Variants in PKHD1L1 observed in about 807,000 individuals in gnomAD.
The protein encoded by PKHD1L1 is PKHD1 like 1, also known as fibrocystin-L.
PKHD1L1 carries 434 observed loss-of-function variants against 462.9 expected under a neutral mutation model. The ratio of observed to expected loss-of-function variants is 0.94; its 90% CI spans 0.87 to 1.02. The LOEUF (loss-of-function observed/expected upper bound fraction) is 1.02. PKHD1L1 is among the 50% of genes least tolerant of loss of function. The pLI is 0.00. For synonymous variants in PKHD1L1, 1,781 were observed against 1,750.0 expected, an observed-to-expected ratio of 1.02 and a Z score of -0.44; for missense variants, 5,202 against 5,096.1, an observed-to-expected ratio of 1.02 and a Z score of -0.63.
At chr8:109,461,966 T>A (rs1339711636) in intron 48 of PKHD1L1, 58 bp downstream of exon 48, 6 of 1,533,894 alleles carry the variant, frequency 3.9e-6, no homozygotes, top group Non-Finnish European at 5.3e-6. Flanking sequence ...ATACAAGAAA[T>A]GTGTGTTGAA....
At chr8:109,463,134 A>G (rs1277624392) in intron 48 of PKHD1L1, among the ~76,000 whole-genome samples, 1 of 152,176 alleles carries the variant, frequency 6.6e-6, no homozygotes, top group African/African-American at 2.4e-5. Flanking sequence ...CATGGCATAT[A>G]GTAGATTCTC....
chr8:109,488,599 T>C (rs1818671847), intron 59 of PKHD1L1, among the ~76,000 whole-genome samples: 1 of 152,080 alleles, frequency 6.6e-6, no homozygotes, highest in Non-Finnish European at 1.5e-5. Flanking sequence ...GAACTGTTTC[T>C]GCAGGTACTC....
Position 109,491,930 on chromosome 8 carries a change from T to A in PKHD1L1, c.10172T>A (p.Val3391Asp). 2 of 1,605,452 alleles carry A rather than the reference T, an allele frequency of 1.2e-6. No homozygotes were observed. The highest frequency in any genetic ancestry group is 2.2e-5 in the South Asian group (2 of 90,132). ...CGAGGGAATTTGATTGCACTTTCGG[T>A]TTGGCCAGGAACCTATCAGAACAGA... is the stretch of plus-strand genomic sequence containing the variant. ...RVRGNLIALSVWPGTYQNRKD... is the reference protein window; with the variant it reads ...RVRGNLIALSDWPGTYQNRKD... The change falls in exon 62 of 78, where the codon GTT becomes GAT. Residue 3391 changes from valine (V) to aspartate (D), a missense_variant. Physicochemically the swap from Val to Asp is radical, Grantham distance 152. This residue lies in a region of PKHD1L1 where 4,497 missense variants were observed against 4,336.8 expected (regional missense o/e 1.04). Transcript: ENST00000378402.
At chr8:109,456,415 G>C (rs373600039) in intron 46 of PKHD1L1, 24 bp downstream of exon 46, 5 of 1,572,870 alleles carry the variant, frequency 3.2e-6, no homozygotes, top group Non-Finnish European at 4.3e-6. Context: ...TGGGCTTAAT[G>C]ATGTGTATTT....
intron 48 of PKHD1L1, among the ~76,000 whole-genome samples, chr8:109,463,138 G>T (rs1019882218): frequency 1.3e-5 from 2 of 152,026 alleles, no homozygotes; most frequent in African/African-American, 4.8e-5. Flanking sequence ...GCATATAGTA[G>T]ATTCTCAGTT....
chr8:109,439,143 T>C, intron 32 of PKHD1L1, 51 bp downstream of exon 32: 1 of 1,505,292 alleles, frequency 6.6e-7, no homozygotes, highest in Non-Finnish European at 9.1e-7. Context: ...ATGGGGCTAG[T>C]GGAATTGGGA....
rs141024949 is a variant in PKHD1L1, at chr8:109,406,979, C to T, written c.1813+501C>T. On this transcript the variant is annotated intron_variant, in intron 17 of 77. Transcript: ENST00000378402. The stretch of plus-strand genomic sequence containing the variant: ...TCAATTTACCTGTGTTTAATGCAAA[C>T]GTATTTTATATTTCCATCTTTTTTC... Among the ~76,000 whole-genome samples the T allele has an allele frequency of 8.6e-5, 13 of 151,778 alleles. No homozygotes were observed. The East Asian group carries it at 2.3e-3, about 27-fold the overall frequency.
intron 73 of PKHD1L1, 127 bp from the exon 74 acceptor site, chr8:109,522,059 G>C (rs1820577398): frequency 1.1e-6 from 1 of 909,176 alleles, no homozygotes; most frequent in Non-Finnish European, 1.6e-6. Flanking sequence ...GCTCAGGTAA[G>C]ACTAGAAAGC....
Position 109,532,332 on chromosome 8 carries a change from C to T in PKHD1L1, c.*2242C>T, listed in dbSNP as rs1468837502. 6.6e-6 allele frequency among the ~76,000 whole-genome samples: 1 copy of T among 152,146 alleles called. No individual in the cohort carries two copies. Among genetic ancestry groups the T allele is most frequent in the African/African-American group, 2.4e-5 (1 of 41,450 alleles). The stretch of plus-strand genomic sequence containing the variant: ...CATTCTAGAATTATCATAATAATTC[C>T]TTATTCCAGATAAATTACAATTTAA... On this transcript the variant is annotated 3_prime_UTR_variant, in exon 78 of 78. Coordinates refer to ENST00000378402, the MANE Select transcript of PKHD1L1 (RefSeq NM_177531.6).
intron 46 of PKHD1L1, among the ~76,000 whole-genome samples, chr8:109,457,443 C>T (rs1816886960): frequency 6.6e-6 from 1 of 152,072 alleles, no homozygotes; most frequent in African/African-American, 2.4e-5. Flanking sequence ...TAGAATAGGG[C>T]TATTTAGTTT....
In PKHD1L1 at chr8:109,448,333, C is replaced by T. The variant is rs1816278804; in HGVS notation, c.5967C>T (p.Ala1989=). 6.2e-6 allele frequency: 10 copies of T among 1,613,520 alleles called. No homozygotes were observed. Among genetic ancestry groups the T allele is most frequent in the Non-Finnish European group, 7.6e-6 (9 of 1,179,722 alleles). The change falls in exon 39 of 78, where the codon GCC becomes GCT. Residue 1989 remains alanine, a synonymous_variant. Coordinates refer to ENST00000378402, the MANE Select transcript of PKHD1L1 (RefSeq NM_177531.6). ...VMMHHKTKGS[A]MSTVVFEYPL... ...TGCATCATAAGACAAAAGGCTCAGC[C>T]ATGTCCACAGTTGTATTTGAGTACC...
intron 12 of PKHD1L1, 75 bp downstream of exon 12, chr8:109,398,623 A>C (rs922551281): frequency 6.7e-6 from 4 of 597,372 alleles, no homozygotes; most frequent in African/African-American, 5.9e-5. Context: ...ATATTATTTA[A>C]ATTTTTAGAA....
In PKHD1L1 at chr8:109,443,715, G is replaced by T. The variant is rs752023371; in HGVS notation, c.4604G>T (p.Gly1535Val). The T allele has an allele frequency of 5.6e-5, 91 of 1,613,354 alleles. No homozygotes were observed. Among genetic ancestry groups the T allele is most frequent in the Non-Finnish European group, 7.3e-5 (86 of 1,179,650 alleles). The change falls in exon 37 of 78, where the codon GGC (glycine) becomes GTC (valine). Residue 1535 changes from glycine (G) to valine (V), a missense_variant. By Grantham distance (109) the Gly-to-Val change is moderately radical. This residue lies in a region of PKHD1L1 where 4,497 missense variants were observed against 4,336.8 expected (regional missense o/e 1.04). Transcript: ENST00000378402. Reference sequence around the variant, plus strand: ...TTGCACTTGGGAAGCTCTGTGGCAGGCTGCCTAGCAACAGAACCCCTGTGC... The same window carrying T: ...TTGCACTTGGGAAGCTCTGTGGCAGTCTGCCTAGCAACAGAACCCCTGTGC... ...ENLHLGSSVAGCLATEPLCSL... is the reference protein window; with the variant it reads ...ENLHLGSSVAVCLATEPLCSL...
chr8:109,499,196 C>G (rs567791320), intron 67 of PKHD1L1: 1 of 160,006 alleles, frequency 6.2e-6, no homozygotes, highest in East Asian at 1.8e-4. Context: ...GATTCAAACT[C>G]CACTGCTCTT....
intron 27 of PKHD1L1, among the ~76,000 whole-genome samples, chr8:109,430,960 A>G (rs1350918013): frequency 6.7e-6 from 1 of 150,256 alleles, no homozygotes; most frequent in Non-Finnish European, 1.5e-5. Context: ...TGCATTTTGT[A>G]ATGAATTCCC....
intron 65 of PKHD1L1, among the ~76,000 whole-genome samples, 158 bp downstream of exon 65, chr8:109,497,430 C>CT (rs11475834): frequency 0.044 from 5,039 of 113,510 alleles, 201 homozygotes; most frequent in Middle Eastern, 0.065. Context: ...AAAAACCGTT[C>CT]TTTTTTTTTT....
intron 27 of PKHD1L1, among the ~76,000 whole-genome samples, chr8:109,432,462 C>T (rs558941926): frequency 1.4e-4 from 22 of 152,060 alleles, no homozygotes; most frequent in East Asian, 7.7e-4. Context: ...CATGGTGTTA[C>T]GTAAGTAGGG....
chr8:109,415,637 C>G lies in PKHD1L1; in HGVS notation c.2360+2092C>G, dbSNP rs1185953688. Among the ~76,000 whole-genome samples, 4 of 151,728 alleles carry G rather than the reference C, an allele frequency of 2.6e-5. No individual in the cohort carries two copies. In the East Asian group the frequency reaches 7.8e-4, roughly 30 times the overall value. On this transcript the variant is annotated intron_variant, in intron 21 of 77. Coordinates refer to ENST00000378402, the MANE Select transcript of PKHD1L1 (RefSeq NM_177531.6). ...ATCCTTCCTGTGGAACTGGAATGAT[C>G]TTAATTTAAAAAAAGGAGGGGGCTG...
At chr8:109,443,315 T>C (rs1376042310) in intron 36 of PKHD1L1, among the ~76,000 whole-genome samples, 199 bp downstream of exon 36, 1 of 152,202 alleles carries the variant, frequency 6.6e-6, no homozygotes, top group Non-Finnish European at 1.5e-5. Context: ...CTACCAGTCT[T>C]TCCCCCAGAA....
Sources: gnomAD v4.1 joint callset for allele counts (sites outside exome capture counted in the v4.1 genomes callset) on GRCh38, gnomAD v4.1.1 for gene constraint, gnomAD v4.1.1 regional missense constraint, MANE v1.5 for transcripts, NCBI Gene and HGNC (gene_info 2026-07-23, HGNC 2026-07-21) for gene names.